The following IFT52 variants were observed in gnomAD, a reference collection of about 807,000 sequenced individuals.
IFT52 encodes the protein intraflagellar transport 52.
In IFT52, 44 loss-of-function variants were observed where a neutral mutation model predicts 54.4. The ratio of observed to expected loss-of-function variants is 0.81; its 90% CI spans 0.63 to 1.04. IFT52 has a LOEUF of 1.04. Ranked by LOEUF, IFT52 falls within the 50% of genes least tolerant of loss-of-function variation. The pLI is 0.00. For missense variants in IFT52, 452 were observed against 523.6 expected (o/e 0.86, Z 1.33); for synonymous variants, 181 against 185.3 (o/e 0.98, Z 0.19).
chr20:43,591,527 C>T (rs147434166), intron 1 of IFT52, among the ~76,000 whole-genome samples: 2 of 152,190 alleles, frequency 1.3e-5, no homozygotes, highest in East Asian at 3.9e-4. Context: ...ACCTGCTACT[C>T]TCACCAGGGG....
intron 12 of IFT52, 97 bp from the exon 13 acceptor site, chr20:43,642,382 T>A: frequency 9.0e-7 from 1 of 1,115,460 alleles, no homozygotes; most frequent in East Asian, 2.4e-5. Context: ...TTAGGAAATG[T>A]GGAAACATGA....
chr20:43,646,515 T>C (rs565232356), intron 13 of IFT52, among the ~76,000 whole-genome samples: 45 of 152,274 alleles, frequency 3.0e-4, no homozygotes, highest in African/African-American at 1.1e-3. Context: ...TATTGGCAGT[T>C]ACCGTGGTCT....
intron 7 of IFT52, among the ~76,000 whole-genome samples, chr20:43,614,864 A>G (rs1568749641): frequency 6.7e-6 from 1 of 148,406 alleles, no homozygotes; most frequent in Non-Finnish European, 1.5e-5. Context: ...GCTGGAGTAC[A>G]GTGGCATGAT....
chr20:43,632,567 T>C (rs1480746721), intron 10 of IFT52, among the ~76,000 whole-genome samples: 1 of 152,102 alleles, frequency 6.6e-6, no homozygotes, highest in Non-Finnish European at 1.5e-5. Context: ...GGCCAGTTCC[T>C]GACATCTTAC....
In IFT52 at chr20:43,633,663, G is replaced by A. The variant is rs1299993297; in HGVS notation, c.924-2263G>A. 2.6e-5 allele frequency among the ~76,000 whole-genome samples: 4 copies of A among 151,874 alleles called. No individual in the cohort carries two copies. In the South Asian group the frequency reaches 6.2e-4, roughly 24 times the overall value. Reference sequence around the variant, plus strand: ...GCAGAGGTTGCAGTGAGCTGAGATTGCACCACTGCACTCCAGCCTGGGCGA... The same window carrying A: ...GCAGAGGTTGCAGTGAGCTGAGATTACACCACTGCACTCCAGCCTGGGCGA... On this transcript the variant is annotated intron_variant, in intron 10 of 13. Transcript: ENST00000373030.
chr20:43,602,373 G>C (rs1048541738), intron 3 of IFT52, among the ~76,000 whole-genome samples: 5 of 152,024 alleles, frequency 3.3e-5, no homozygotes, highest in African/African-American at 9.7e-5. Flanking sequence ...TGTTGGCCAG[G>C]CTGGTCTCGA....
At chr20:43,635,882 T>C (rs756956406) in intron 10 of IFT52, 44 bp from the exon 11 acceptor site, 3 of 1,550,218 alleles carry the variant, frequency 1.9e-6, no homozygotes, top group Non-Finnish European at 2.7e-6. Flanking sequence ...CGTGCTGAGC[T>C]ATAGTGTCTT....
At chr20:43,595,932 A>T (rs1288453440) in intron 2 of IFT52, among the ~76,000 whole-genome samples, 7 of 152,194 alleles carry the variant, frequency 4.6e-5, no homozygotes, top group Admixed American at 4.6e-4. Flanking sequence ...AGCAATTAGG[A>T]TATTATTAAA....
intron 10 of IFT52, among the ~76,000 whole-genome samples, chr20:43,632,611 C>A (rs1479364803): frequency 1.3e-5 from 2 of 152,154 alleles, no homozygotes; most frequent in Non-Finnish European, 2.9e-5. Context: ...CTCCCCTCCC[C>A]CTACAATGTA....
At position 43,606,390 on chromosome 20, in the gene IFT52, C is replaced by T. The variant is rs143963160; in HGVS notation, c.485+1317C>T. Among the ~76,000 whole-genome samples, 659 of 150,932 alleles carry T rather than the reference C, an allele frequency of 4.4e-3. 3 individuals carry two copies. Among genetic ancestry groups the T allele is most frequent in the Non-Finnish European group, 6.4e-3 (432 of 67,790 alleles). On this transcript the variant is annotated intron_variant, in intron 6 of 13. Coordinates refer to ENST00000373030, the MANE Select transcript of IFT52 (RefSeq NM_016004.5). The stretch of plus-strand genomic sequence containing the variant: ...CCAGGTTCAAGTGGTTCTCCTGCCT[C>T]AGCCTCCCATGTAGCTGGGATTACA...
Position 43,637,358 on chromosome 20 carries a change from G to A in IFT52, c.1120+105G>A, listed in dbSNP as rs566541563. 47 of 552,322 alleles carry A rather than the reference G, an allele frequency of 8.5e-5. No homozygotes were observed. In the East Asian group the frequency reaches 1.5e-3, roughly 18 times the overall value. 34.2% of individuals were successfully genotyped at this position (552,322 alleles called of 1,614,324 possible). ...GCTCACTGCAACCTCTGTCTCCCAGGTTCAAGCGATTCTCCTGTCTCAGCC... is the reference window on the plus strand; with the variant it reads ...GCTCACTGCAACCTCTGTCTCCCAGATTCAAGCGATTCTCCTGTCTCAGCC... On this transcript the variant is annotated intron_variant, in intron 12 of 13. Coordinates refer to ENST00000373030, the MANE Select transcript of IFT52 (RefSeq NM_016004.5).
At chr20:43,592,832 T>G (rs1346779828) in intron 1 of IFT52, among the ~76,000 whole-genome samples, 2 of 152,222 alleles carry the variant, frequency 1.3e-5, no homozygotes, top group East Asian at 3.8e-4. Context: ...GAAACCCGAC[T>G]GGGTGCAGTG....
intron 10 of IFT52, among the ~76,000 whole-genome samples, chr20:43,625,857 C>T (rs770015333): frequency 2.0e-5 from 3 of 151,522 alleles, no homozygotes; most frequent in Admixed American, 6.6e-5. Context: ...CCTTATATCC[C>T]GAACGTCAAG....
At chr20:43,602,277 G>A (rs1464827469) in intron 3 of IFT52, among the ~76,000 whole-genome samples, 1 of 151,354 alleles carries the variant, frequency 6.6e-6, no homozygotes, top group East Asian at 1.9e-4. Context: ...TGATTCTCCT[G>A]CCTCAGCCTC....
chr20:43,624,241 G>A, intron 10 of IFT52, 196 bp downstream of exon 10: 1 of 602,998 alleles, frequency 1.7e-6, no homozygotes, highest in Non-Finnish European at 2.9e-6. Flanking sequence ...GAGGTTATTA[G>A]CCCCTGCGTG....
Position 43,618,931 on chromosome 20 carries a change from C to T in IFT52, c.613-9C>T, listed in dbSNP as rs1216843030. ...ATTTGAGTATCTGACCCTGCTTTGT[C>T]ATCAATAGAACCAAGGTGGGAAGCT... On this transcript the variant is annotated splice_polypyrimidine_tract_variant and intron_variant, in intron 7 of 13. Coordinates refer to ENST00000373030, the MANE Select transcript of IFT52 (RefSeq NM_016004.5). 6.2e-7 allele frequency: 1 copy of T among 1,605,134 alleles called. No homozygotes were observed. Among genetic ancestry groups the T allele is most frequent in the African/African-American group, 1.3e-5 (1 of 74,866 alleles).
chr20:43,646,138 G>A (rs1159157412), intron 13 of IFT52, among the ~76,000 whole-genome samples: 1 of 151,168 alleles, frequency 6.6e-6, no homozygotes, highest in East Asian at 2.0e-4. Context: ...ATGAACCTGG[G>A]AGGCAGAGCT....
At chr20:43,606,045 AC>A (rs1379022262) in intron 6 of IFT52, among the ~76,000 whole-genome samples, 1 of 151,844 alleles carries the variant, frequency 6.6e-6, no homozygotes, top group African/African-American at 2.4e-5. Context: ...ACATGGCGAA[AC>A]CCCGTCTTTA....
chr20:43,595,316 C>CAAAAAAAAAA (rs34012263), intron 2 of IFT52, among the ~76,000 whole-genome samples: 4 of 62,918 alleles, frequency 6.4e-5, no homozygotes, highest in African/African-American at 1.3e-4. Flanking sequence ...GACTCCGTCT[C>CAAAAAAAAAA]AAAAAAAAAA....
Sources: gnomAD v4.1 joint callset for allele counts (sites outside exome capture counted in the v4.1 genomes callset) on GRCh38, gnomAD v4.1.1 for gene constraint, MANE v1.5 for transcripts, NCBI Gene and HGNC (gene_info 2026-07-23, HGNC 2026-07-21) for gene names.